The following AGXT2 variants were observed in gnomAD, a reference collection of about 807,000 sequenced individuals.
AGXT2 encodes alanine--glyoxylate aminotransferase 2.
Under a neutral mutation model 62.5 loss-of-function variants are expected in AGXT2, and 61 were observed. The observed-to-expected ratio is 0.98, with a 90% CI of 0.79 to 1.21. AGXT2 has a LOEUF of 1.21. Ranked by LOEUF, AGXT2 falls within the 50% of genes most tolerant of loss-of-function variation. AGXT2 has a pLI of 0.00. For missense variants in AGXT2, 666 were observed against 641.5 expected, an observed-to-expected ratio of 1.04 and a Z score of -0.41; for synonymous variants, 243 against 218.7, an observed-to-expected ratio of 1.11 and a Z score of -0.98.
chr5:35,001,412 C>T (rs1166861148), intron 13 of AGXT2, among the ~76,000 whole-genome samples: 1 of 152,176 alleles, frequency 6.6e-6, no homozygotes, highest in Non-Finnish European at 1.5e-5. Context: ...CAGAGGGACC[C>T]CCTGTCTCCA....
chr5:35,001,484 T>C (rs1487061933), intron 13 of AGXT2, among the ~76,000 whole-genome samples: 1 of 152,204 alleles, frequency 6.6e-6, no homozygotes, highest in East Asian at 1.9e-4. Context: ...CTACCTGAGT[T>C]TGGATCCTGG....
intron 7 of AGXT2, among the ~76,000 whole-genome samples, chr5:35,028,599 GAGAGAGAGAGAGAGAGAGAGAAA>G (rs748862504): frequency 0.089 from 10,166 of 114,070 alleles, 1,217 homozygotes; most frequent in African/African-American, 0.24. Context: ...GAGAGAGAGA[GAGAGAGAGAGAGAGAGAGAGAAA>G]TTCTTCTACT....
At chr5:35,010,253 ACAGAATG>A (rs1273917605) in intron 11 of AGXT2, 104 bp from the exon 12 acceptor site, 1 of 1,399,790 alleles carries the variant, frequency 7.1e-7, no homozygotes, top group Non-Finnish European at 1.0e-6. Flanking sequence ...ACTTAACCAA[ACAGAATG>A]CAGAACAAGT....
rs532854229 is a variant in AGXT2 at position 35,014,277 on chromosome 5, C to A, written c.964-158G>T. ...GACCAGCCTGGCCAAGATGGTGAAA[C>A]CCTGTCTCTTCTAAAAATACAAAAA... is the stretch of plus-strand genomic sequence containing the variant. On this transcript the variant is annotated intron_variant, in intron 9 of 13. Transcript: ENST00000231420. 2.0e-5 allele frequency among the ~76,000 whole-genome samples: 3 copies of A among 152,016 alleles called. No homozygotes were observed. In the South Asian group the frequency reaches 6.2e-4, roughly 32 times the overall value.
chr5:35,047,762 C>T (rs183026427), intron 1 of AGXT2, 43 bp downstream of exon 1: 40 of 1,608,842 alleles, frequency 2.5e-5, no homozygotes, highest in East Asian at 1.1e-4. Flanking sequence ...CTTACCCTCT[C>T]GCTGATCCTC....
intron 1 of AGXT2, among the ~76,000 whole-genome samples, chr5:35,044,189 T>C (rs1768096747): frequency 6.6e-6 from 1 of 152,174 alleles, no homozygotes; most frequent in African/African-American, 2.4e-5. Flanking sequence ...CTCACTGATA[T>C]TGACGTTTGA....
In AGXT2 at chr5:35,039,449, C is replaced by T. The variant is rs371190707; in HGVS notation, c.237G>A (p.Thr79=). ...IHKEHLSPVV[T]AYFQKPLLLH... ...GCAGCAGGGGTTTCTGGAAATATGC[C>T]GTCACCACAGGAGAAAGATGTTCCT... Residue 79 remains threonine, a synonymous_variant, in exon 3 of 14, where the codon ACG becomes ACA. Coordinates refer to ENST00000231420, the MANE Select transcript of AGXT2 (RefSeq NM_031900.4). 65 of 1,613,952 alleles carry T rather than the reference C, an allele frequency of 4.0e-5. No homozygotes were observed. The African/African-American group carries it at 7.5e-4, about 19-fold the overall frequency.
chr5:35,011,286 C>G (rs933250499), intron 11 of AGXT2, among the ~76,000 whole-genome samples: 6 of 151,786 alleles, frequency 4.0e-5, no homozygotes, highest in Non-Finnish European at 8.8e-5. Context: ...ATGGTGAAAC[C>G]CCATCTCTAC....
chr5:35,004,383 C>A (rs555451969), intron 12 of AGXT2, among the ~76,000 whole-genome samples: 1 of 152,264 alleles, frequency 6.6e-6, no homozygotes, highest in South Asian at 2.1e-4. Context: ...GCTTGTAGGA[C>A]TTGCTCTTTC....
At position 35,026,489 on chromosome 5, in the gene AGXT2, T is replaced by C. The variant is rs1472065705; in HGVS notation, c.791A>G (p.Gln264Arg). 2 of 1,613,850 alleles carry C rather than the reference T, an allele frequency of 1.2e-6. No individual in the cohort carries two copies. Among genetic ancestry groups the C allele is most frequent in the African/African-American group, 2.7e-5 (2 of 74,878 alleles). ...CGTATCTTTGAATTGCTCAATATAC[T>C]GATCTTTAGCTTGGCAGCAGTCTGC... is the stretch of plus-strand genomic sequence containing the variant. ...CAPDCCQAKDQYIEQFKDTLS... is the reference protein window; with the variant it reads ...CAPDCCQAKDRYIEQFKDTLS... Residue 264 changes from glutamine to arginine, a missense_variant, in exon 8 of 14, where the codon CAG becomes CGG. By Grantham distance (43) the Gln-to-Arg change is conservative. Transcript: ENST00000231420.
In AGXT2 at chr5:35,042,448, A is replaced by T. The variant is rs116725787; in HGVS notation, c.89-1785T>A. ...ATAATAGGAGTCAGTAAGTGAAATA[A>T]ACCTGGATAATACCTCCAAATCTAT... is the stretch of plus-strand genomic sequence containing the variant. On this transcript the variant is annotated intron_variant, in intron 1 of 13. Coordinates refer to ENST00000231420, the MANE Select transcript of AGXT2 (RefSeq NM_031900.4). Among the ~76,000 whole-genome samples, 1,410 of 152,272 alleles carry T rather than the reference A, an allele frequency of 9.3e-3. 22 individuals carry two copies. The highest frequency in any genetic ancestry group is 0.032 in the African/African-American group (1,349 of 41,538).
chr5:34,998,436 A>G lies in AGXT2; in HGVS notation c.*283T>C, dbSNP rs1423189544. ...AAATACATCACATATTCATGCATAAACCAATCACTGCAAAGGGGAATCAAA... is the reference window on the plus strand; with the variant it reads ...AAATACATCACATATTCATGCATAAGCCAATCACTGCAAAGGGGAATCAAA... On this transcript the variant is annotated 3_prime_UTR_variant, in exon 14 of 14. Transcript: ENST00000231420. 1 of 477,168 alleles carries G rather than the reference A, an allele frequency of 2.1e-6. No individual in the cohort carries two copies. The highest frequency in any genetic ancestry group is 3.8e-6 in the Non-Finnish European group (1 of 263,446). The allele number at this position is 477,168 out of a possible 1,614,324, so 29.6% of individuals were successfully genotyped here.
chr5:35,034,181 A>T lies in AGXT2; in HGVS notation c.582-628T>A, dbSNP rs1268227659. Among the ~76,000 whole-genome samples the T allele has an allele frequency of 5.3e-5, 8 of 152,128 alleles. No individual in the cohort carries two copies. In the East Asian group the frequency reaches 1.6e-3, roughly 30 times the overall value. ...GTTGTATTAGGTTGGTGCAAAAGTAATTGTGGTTTTTGCCATTACTTTTAA... is the reference window on the plus strand; with the variant it reads ...GTTGTATTAGGTTGGTGCAAAAGTATTTGTGGTTTTTGCCATTACTTTTAA... On this transcript the variant is annotated intron_variant, in intron 5 of 13. Coordinates refer to ENST00000231420, the MANE Select transcript of AGXT2 (RefSeq NM_031900.4).
rs1244128851 is a variant in AGXT2 at position 35,024,999 on chromosome 5, A to T, written c.963+764T>A. On this transcript the variant is annotated intron_variant, in intron 9 of 13. Coordinates refer to ENST00000231420, the MANE Select transcript of AGXT2 (RefSeq NM_031900.4). ...AAGAAACAAACAAACAAAAAAACCC[A>T]CATTATTTCCAGGCAAGTTTTGTCA... Among the ~76,000 whole-genome samples, 12 of 152,244 alleles carry T rather than the reference A, an allele frequency of 7.9e-5. No individual in the cohort carries two copies. The East Asian group carries it at 2.1e-3, about 27-fold the overall frequency.
intron 4 of AGXT2, among the ~76,000 whole-genome samples, chr5:35,036,739 C>T (rs993216331): frequency 6.6e-6 from 1 of 152,124 alleles, no homozygotes; most frequent in Non-Finnish European, 1.5e-5. Context: ...TCATAAATTC[C>T]CTTCTTCTGT....
At chr5:35,028,091 C>A (rs35058264) in intron 7 of AGXT2, among the ~76,000 whole-genome samples, 5,778 of 152,050 alleles carry the variant, frequency 0.038, 141 homozygotes, top group Non-Finnish European at 0.055. Context: ...TCCCTGCACT[C>A]CACAGAGCCA....
At chr5:35,043,876 G>A (rs1369197585) in intron 1 of AGXT2, among the ~76,000 whole-genome samples, 2 of 152,106 alleles carry the variant, frequency 1.3e-5, no homozygotes, top group South Asian at 2.1e-4. Flanking sequence ...ATTTTTAGTA[G>A]AGATCGGGTT....
chr5:35,000,660 C>T (rs1387884454), intron 13 of AGXT2, among the ~76,000 whole-genome samples: 4 of 152,226 alleles, frequency 2.6e-5, no homozygotes, highest in African/African-American at 4.8e-5. Flanking sequence ...GGATCACAGG[C>T]GTGAGCCACC....
chr5:35,026,834 A>G, intron 7 of AGXT2: 1 of 984,916 alleles, frequency 1.0e-6, no homozygotes, highest in Non-Finnish European at 1.2e-6. Context: ...TCACCTAAGG[A>G]TGCCCGTCCT....
Sources: gnomAD v4.1 joint callset for allele counts (sites outside exome capture counted in the v4.1 genomes callset) on GRCh38, gnomAD v4.1.1 for gene constraint, MANE v1.5 for transcripts, NCBI Gene and HGNC (gene_info 2026-07-23, HGNC 2026-07-21) for gene names.